Variants in PRTFDC1 observed in about 807,000 individuals in gnomAD.
PRTFDC1 encodes the protein phosphoribosyltransferase domain-containing protein 1.
A neutral mutation model predicts 34.6 loss-of-function variants in PRTFDC1; 38 were observed. That is an observed-to-expected ratio of 1.10 (90% confidence interval 0.85 to 1.44). The LOEUF (loss-of-function observed/expected upper bound fraction) is 1.44, where lower values mean the gene tolerates loss of function less well. Ranked by LOEUF, PRTFDC1 falls within the 40% of genes most tolerant of loss-of-function variation. The pLI is 0.00. For missense variants in PRTFDC1, 270 were observed against 283.0 expected, an observed-to-expected ratio of 0.95 and a Z score of 0.33; for synonymous variants, 93 against 98.1, an observed-to-expected ratio of 0.95 and a Z score of 0.31.
intron 3 of PRTFDC1, among the ~76,000 whole-genome samples, chr10:24,917,161 TC>T (rs1212599949): frequency 6.6e-6 from 1 of 152,214 alleles, no homozygotes; most frequent in Non-Finnish European, 1.5e-5. Context: ...CGAGATTTCC[TC>T]CCATAATCTA....
chr10:24,913,564 G>C (rs1012177574), intron 3 of PRTFDC1, among the ~76,000 whole-genome samples: 1 of 152,184 alleles, frequency 6.6e-6, no homozygotes, highest in East Asian at 1.9e-4. Context: ...TTAGAATCAA[G>C]TTAAGCTTAA....
At chr10:24,928,690 C>G (rs1848919700) in intron 3 of PRTFDC1, among the ~76,000 whole-genome samples, 1 of 152,000 alleles carries the variant, frequency 6.6e-6, no homozygotes, top group Non-Finnish European at 1.5e-5. Flanking sequence ...GTAATTGGCC[C>G]ATCTCGGCCT....
intron 3 of PRTFDC1, among the ~76,000 whole-genome samples, chr10:24,885,351 A>T (rs1018440092): frequency 3.9e-5 from 6 of 152,168 alleles, no homozygotes; most frequent in African/African-American, 1.2e-4. Flanking sequence ...ACTCCTTAAT[A>T]TTTATCCAAA....
At chr10:24,883,818 C>CTTTTTTTTTT (rs71399940) in intron 3 of PRTFDC1, among the ~76,000 whole-genome samples, 1 of 96,572 alleles carries the variant, frequency 1.0e-5, no homozygotes, top group Non-Finnish European at 2.0e-5. Flanking sequence ...CTTAAGAGAC[C>CTTTTTTTTTT]TTTTTTTTTT....
chr10:24,908,564 A>C, intron 3 of PRTFDC1: 1 of 1,612,780 alleles, frequency 6.2e-7, no homozygotes, highest in Non-Finnish European at 8.5e-7. Flanking sequence ...GAGCACTTGG[A>C]GGTAACCTCT....
chr10:24,937,389 T>C (rs1473995391), intron 2 of PRTFDC1, 22 bp from the exon 3 acceptor site: 18 of 1,590,786 alleles, frequency 1.1e-5, no homozygotes, highest in Non-Finnish European at 1.5e-5. Context: ...ATAAAAGATA[T>C]ATTAAGGCAC....
At chr10:24,863,929 G>T (rs1847729514) in intron 4 of PRTFDC1, among the ~76,000 whole-genome samples, 1 of 150,140 alleles carries the variant, frequency 6.7e-6, no homozygotes. Flanking sequence ...TGAGGTGGGA[G>T]GATCACCTGA....
chr10:24,896,157 A>T (rs894045858), intron 3 of PRTFDC1, among the ~76,000 whole-genome samples: 1 of 152,166 alleles, frequency 6.6e-6, no homozygotes, highest in Non-Finnish European at 1.5e-5. Context: ...GTCGTTGGGA[A>T]CAGGGCCACA....
At chr10:24,855,492 C>T in intron 6 of PRTFDC1, 128 bp from the exon 7 acceptor site, 2 of 1,102,544 alleles carry the variant, frequency 1.8e-6, no homozygotes, top group Non-Finnish European at 2.7e-6. Context: ...ATAGATGGTT[C>T]TGGATAAAAA....
chr10:24,882,571 T>C (rs1848096193), intron 3 of PRTFDC1, among the ~76,000 whole-genome samples: 1 of 152,230 alleles, frequency 6.6e-6, no homozygotes, highest in African/African-American at 2.4e-5. Flanking sequence ...ACACTTCCTG[T>C]TATGTCTGAG....
chr10:24,927,581 A>ATTTTTTTTT (rs5783910), intron 3 of PRTFDC1, among the ~76,000 whole-genome samples: 1 of 133,788 alleles, frequency 7.5e-6, no homozygotes, highest in African/African-American at 2.9e-5. Flanking sequence ...GCGGGACCCA[A>ATTTTTTTTT]TTTTTTTTTT....
chr10:24,909,670 A>G (rs1026101010), intron 3 of PRTFDC1, among the ~76,000 whole-genome samples: 62 of 152,212 alleles, frequency 4.1e-4, no homozygotes, highest in Admixed American at 3.9e-3. Flanking sequence ...CAATAAGTTT[A>G]GATTTCAAAT....
chr10:24,873,278 C>A (rs577913220), intron 3 of PRTFDC1, among the ~76,000 whole-genome samples: 1 of 152,272 alleles, frequency 6.6e-6, no homozygotes, highest in East Asian at 1.9e-4. Context: ...TAGTGACCAT[C>A]ATGATAGAAT....
intron 4 of PRTFDC1, among the ~76,000 whole-genome samples, chr10:24,870,848 G>A (rs1847856868): frequency 1.3e-5 from 2 of 151,796 alleles, no homozygotes; most frequent in African/African-American, 2.4e-5. Flanking sequence ...GAAACAGGTG[G>A]ATCACTTGAG....
intron 3 of PRTFDC1, among the ~76,000 whole-genome samples, chr10:24,901,942 C>G (rs528368795): frequency 6.6e-6 from 1 of 152,162 alleles, no homozygotes; most frequent in East Asian, 1.9e-4. Context: ...AGGTATCCAC[C>G]CACAAGGGCC....
chr10:24,891,940 T>A (rs900374762), intron 3 of PRTFDC1, among the ~76,000 whole-genome samples: 1 of 152,192 alleles, frequency 6.6e-6, no homozygotes, highest in Non-Finnish European at 1.5e-5. Context: ...CCCAGGTTTG[T>A]CTGTGTTGTC....
intron 1 of PRTFDC1, among the ~76,000 whole-genome samples, chr10:24,946,609 A>G (rs1849254694): frequency 6.6e-6 from 1 of 152,142 alleles, no homozygotes; most frequent in African/African-American, 2.4e-5. Flanking sequence ...AAATTCTCTT[A>G]GTGTATTCAT....
intron 4 of PRTFDC1, among the ~76,000 whole-genome samples, chr10:24,861,516 A>G (rs1348008206): frequency 1.3e-5 from 2 of 151,974 alleles, no homozygotes; most frequent in African/African-American, 4.8e-5. Context: ...AAAAACAAAA[A>G]CAAACAAACA....
At chr10:24,949,143 G>A (rs1849297467) in intron 1 of PRTFDC1, among the ~76,000 whole-genome samples, 1 of 152,234 alleles carries the variant, frequency 6.6e-6, no homozygotes, top group East Asian at 1.9e-4. Flanking sequence ...AGGCTGGAAT[G>A]CAGTGGCACG....
Sources: allele counts gnomAD v4.1 joint callset (sites outside exome capture counted in the v4.1 genomes callset), GRCh38; gene constraint gnomAD v4.1.1; transcripts MANE v1.5; gene names NCBI Gene and HGNC (gene_info 2026-07-23, HGNC 2026-07-21).